The following SPAG16 variants were observed in gnomAD, a reference collection of about 807,000 sequenced individuals.
The protein encoded by SPAG16 is sperm associated antigen 16, also known as sperm-associated antigen 16 protein.
Under a neutral mutation model 80.4 loss-of-function variants are expected in SPAG16, and 86 were observed. The observed-to-expected ratio is 1.07, with a 90% CI of 0.90 to 1.28. SPAG16 has a LOEUF of 1.28. SPAG16 is among the 50% of genes most tolerant of loss of function. The pLI is 0.00. For synonymous variants in SPAG16, 294 were observed against 265.9 expected, an observed-to-expected ratio of 1.11 and a Z score of -1.03; for missense variants, 870 against 765.3, an observed-to-expected ratio of 1.14 and a Z score of -1.61.
intron 14 of SPAG16, among the ~76,000 whole-genome samples, chr2:214,111,757 C>A (rs557104255): frequency 1.7e-3 from 257 of 152,000 alleles, no homozygotes; most frequent in African/African-American, 6.0e-3. Flanking sequence ...CTATCCGTGA[C>A]CATGGAATAT....
At chr2:214,406,762 A>C (rs1354722231) in intron 15 of SPAG16, among the ~76,000 whole-genome samples, 1 of 152,150 alleles carries the variant, frequency 6.6e-6, no homozygotes, top group Non-Finnish European at 1.5e-5. Flanking sequence ...GGAGTTGGCA[A>C]ATTCATCCAA....
intron 6 of SPAG16, among the ~76,000 whole-genome samples, chr2:213,344,399 TTTAAGTTTTAGGGTACATGTGCAC>T (rs1210907292): frequency 1.3e-5 from 2 of 152,016 alleles, no homozygotes; most frequent in Admixed American, 6.6e-5. Context: ...TTTTTTGTAT[TTTAAGTTTTAGGGTACATGTGCAC>T]AGCGTGCAGG....
intron 10 of SPAG16, among the ~76,000 whole-genome samples, chr2:213,514,393 A>C (rs1443920547): frequency 6.6e-6 from 1 of 152,126 alleles, no homozygotes; most frequent in Non-Finnish European, 1.5e-5. Context: ...TATTATCATA[A>C]TTAGAGTTTA....
chr2:213,779,805 T>C (rs1340349211), intron 10 of SPAG16, among the ~76,000 whole-genome samples: 1 of 152,174 alleles, frequency 6.6e-6, no homozygotes, highest in East Asian at 1.9e-4. Flanking sequence ...AAGGGAAGTC[T>C]GAATACTTAA....
At chr2:214,272,120 C>A (rs1220968228) in intron 15 of SPAG16, among the ~76,000 whole-genome samples, 2 of 152,022 alleles carry the variant, frequency 1.3e-5, no homozygotes, top group East Asian at 3.9e-4. Flanking sequence ...TGTGCCATTT[C>A]TATCTGTATA....
chr2:214,182,172 A>G (rs772498773), intron 15 of SPAG16, among the ~76,000 whole-genome samples: 4 of 151,766 alleles, frequency 2.6e-5, no homozygotes, highest in African/African-American at 9.7e-5. Context: ...ATGTATATAT[A>G]TAACAAAAGA....
chr2:214,014,329 C>T (rs1684586204), intron 13 of SPAG16, among the ~76,000 whole-genome samples: 1 of 152,134 alleles, frequency 6.6e-6, no homozygotes, highest in Non-Finnish European at 1.5e-5. Flanking sequence ...GCGATAGAAG[C>T]TCTGCTGGTT....
chr2:214,144,287 A>G (rs2055518536), intron 14 of SPAG16, among the ~76,000 whole-genome samples: 1 of 151,460 alleles, frequency 6.6e-6, no homozygotes, highest in Non-Finnish European at 1.5e-5. Flanking sequence ...ATTCACATTT[A>G]AAGTATTAAA....
Position 214,271,690 on chromosome 2 carries a change from C to T in SPAG16, c.1720+122424C>T, listed in dbSNP as rs539975712. The stretch of plus-strand genomic sequence containing the variant: ...CGGTGGGTGCCTGTAATCCCAGCTA[C>T]TCGGAAGGCTGAGGCAGGAGAATCA... On this transcript the variant is annotated intron_variant, in intron 15 of 15. Transcript: ENST00000331683. 4.6e-5 allele frequency among the ~76,000 whole-genome samples: 7 copies of T among 152,168 alleles called. 1 individual carries two copies. The South Asian group carries it at 1.2e-3, about 27-fold the overall frequency.
chr2:213,835,120 A>C (rs1270619783), intron 10 of SPAG16, among the ~76,000 whole-genome samples: 1 of 152,168 alleles, frequency 6.6e-6, no homozygotes, highest in Non-Finnish European at 1.5e-5. Context: ...TAGGAAACCC[A>C]AGTCCAAAGA....
At chr2:213,746,262 T>C (rs2067816463) in intron 10 of SPAG16, among the ~76,000 whole-genome samples, 2 of 152,236 alleles carry the variant, frequency 1.3e-5, no homozygotes, top group Non-Finnish European at 2.9e-5. Context: ...CGCCTGAAGT[T>C]GCAGAGTTCT....
At chr2:214,333,940 T>C (rs1697106002) in intron 15 of SPAG16, among the ~76,000 whole-genome samples, 2 of 152,226 alleles carry the variant, frequency 1.3e-5, no homozygotes, top group Non-Finnish European at 2.9e-5. Flanking sequence ...TACTCAGTCT[T>C]CCAAGAATAA....
intron 14 of SPAG16, among the ~76,000 whole-genome samples, chr2:214,117,847 A>G (rs2054016848): frequency 6.6e-6 from 1 of 152,216 alleles, no homozygotes; most frequent in South Asian, 2.1e-4. Context: ...TATAGAAGCA[A>G]CATACCACAA....
chr2:213,911,815 GA>G (rs894041489), intron 11 of SPAG16, among the ~76,000 whole-genome samples: 6 of 81,408 alleles, frequency 7.4e-5, no homozygotes, highest in Non-Finnish European at 1.5e-4. Flanking sequence ...GAGTAGGTTT[GA>G]AAAATGAGAA....
intron 9 of SPAG16, among the ~76,000 whole-genome samples, chr2:213,432,577 A>G (rs1481223896): frequency 6.6e-6 from 1 of 152,132 alleles, no homozygotes; most frequent in Non-Finnish European, 1.5e-5. Flanking sequence ...ATAATGAGTA[A>G]TGAGATTGAA....
intron 15 of SPAG16, among the ~76,000 whole-genome samples, chr2:214,244,402 A>G (rs1344486425): frequency 4.6e-5 from 7 of 151,956 alleles, no homozygotes; most frequent in African/African-American, 1.4e-4. Context: ...CCGAAAAAAA[A>G]AAAAAAGACT....
intron 10 of SPAG16, among the ~76,000 whole-genome samples, chr2:213,794,459 C>T (rs1010988580): frequency 1.3e-5 from 2 of 152,058 alleles, no homozygotes; most frequent in African/African-American, 4.8e-5. Flanking sequence ...GATTCCTTTT[C>T]TGCATGTTCC....
At chr2:213,284,977 T>C (rs1393991516) in intron 1 of SPAG16, among the ~76,000 whole-genome samples, 1 of 152,156 alleles carries the variant, frequency 6.6e-6, no homozygotes. Context: ...AAATAAGCCC[T>C]CAATCTTTCA....
intron 13 of SPAG16, among the ~76,000 whole-genome samples, chr2:214,047,528 C>T (rs1168889262): frequency 1.3e-5 from 2 of 152,092 alleles, no homozygotes; most frequent in African/African-American, 4.8e-5. Context: ...TCTTGCCATA[C>T]ACAGAAATCA....
Sources: allele counts gnomAD v4.1 joint callset (sites outside exome capture counted in the v4.1 genomes callset), GRCh38; gene constraint gnomAD v4.1.1; transcripts MANE v1.5; gene names NCBI Gene and HGNC (gene_info 2026-07-23, HGNC 2026-07-21).